Variants in N4BP2 observed in about 807,000 individuals in gnomAD.
N4BP2 encodes the protein NEDD4 binding protein 2, also known as NEDD4-binding protein 2.
Under a neutral mutation model 152.8 loss-of-function variants are expected in N4BP2, and 91 were observed. That is an observed-to-expected ratio of 0.60 (90% CI 0.50 to 0.71). N4BP2 has a LOEUF of 0.71. Ranked by LOEUF, N4BP2 falls within the 30% of genes least tolerant of loss-of-function variation. The probability of loss-of-function intolerance (pLI) is 0.00; values close to 1 mark genes in which losing one functional copy is unlikely to be tolerated. For synonymous variants in N4BP2, 646 were observed against 705.3 expected (o/e 0.92, Z 1.33); for missense variants, 1,923 against 2,059.1 (o/e 0.93, Z 1.28).
intron 1 of N4BP2, among the ~76,000 whole-genome samples, chr4:40,068,104 A>G (rs1711738363): frequency 6.6e-6 from 1 of 152,132 alleles, no homozygotes; most frequent in Admixed American, 6.6e-5. Flanking sequence ...CTTGTTGGCC[A>G]TGTGTATATC....
In N4BP2 at chr4:40,097,230, T is replaced by C; in HGVS notation, c.-111T>C. 1.2e-6 allele frequency: 1 copy of C among 838,494 alleles called. No individual in the cohort carries two copies. The highest frequency in any genetic ancestry group is 2.4e-5 in the East Asian group (1 of 40,972). The allele number at this position is 838,494 out of a possible 1,614,324, so 51.9% of individuals were successfully genotyped here. A position where few individuals can be genotyped will look rare whatever the true frequency, so the allele number is the denominator to read the frequency against. Reference sequence around the variant, plus strand: ...TTTTAATTGCTTTCTATTTTAGGTCTTTTTACTGCTGGATTGTGCAAGATA... The same window carrying C: ...TTTTAATTGCTTTCTATTTTAGGTCCTTTTACTGCTGGATTGTGCAAGATA... On this transcript the variant is annotated 5_prime_UTR_variant, in exon 3 of 18. Coordinates refer to ENST00000261435, the MANE Select transcript of N4BP2 (RefSeq NM_018177.6).
intron 3 of N4BP2, chr4:40,100,151 T>C (rs1445268599): frequency 2.3e-6 from 1 of 444,112 alleles, no homozygotes; most frequent in Non-Finnish European, 4.5e-6. Flanking sequence ...TATCCCCATA[T>C]TACAAATGAG....
In N4BP2 at chr4:40,097,469, A is replaced by G; in HGVS notation, c.129A>G (p.Thr43=). Residue 43 remains threonine (T), a synonymous_variant, in exon 3 of 18, where the codon ACA becomes ACG. Transcript: ENST00000261435. ...PTTTLPSMGE[T]KVDQEELFTS... Reference sequence around the variant, plus strand: ...CTACTCTACCTTCCATGGGTGAGACAAAAGTTGATCAGGAAGAACTCTTCA... The same window carrying G: ...CTACTCTACCTTCCATGGGTGAGACGAAAGTTGATCAGGAAGAACTCTTCA... 1 of 1,614,082 alleles carries G rather than the reference A, an allele frequency of 6.2e-7. No homozygotes were observed. Among genetic ancestry groups the G allele is most frequent in the Non-Finnish European group, 8.5e-7 (1 of 1,179,926 alleles).
intron 13 of N4BP2, among the ~76,000 whole-genome samples, chr4:40,135,938 G>A (rs1011891578): frequency 2.0e-5 from 3 of 152,140 alleles, no homozygotes; most frequent in Non-Finnish European, 2.9e-5. Flanking sequence ...AGAGGTGAGA[G>A]ACATAAATAG....
At chr4:40,141,567 A>T (rs1040499107) in intron 14 of N4BP2, among the ~76,000 whole-genome samples, 16 of 140,562 alleles carry the variant, frequency 1.1e-4, no homozygotes, top group African/African-American at 4.3e-4. Flanking sequence ...CTTAGATGGG[A>T]TGGCAGCCGG....
At chr4:40,078,473 C>G (rs1713008348) in intron 2 of N4BP2, among the ~76,000 whole-genome samples, 1 of 150,634 alleles carries the variant, frequency 6.6e-6, no homozygotes, top group South Asian at 2.1e-4. Context: ...TTTTAAGTTT[C>G]TTGACTTGCG....
At chr4:40,139,659 T>C (rs1054477690) in intron 14 of N4BP2, among the ~76,000 whole-genome samples, 15 of 151,628 alleles carry the variant, frequency 9.9e-5, no homozygotes, top group Non-Finnish European at 1.9e-4. Flanking sequence ...TCCCAGCTAA[T>C]TTTTTGTATT....
intron 1 of N4BP2, among the ~76,000 whole-genome samples, chr4:40,063,153 A>G (rs1438048773): frequency 6.6e-6 from 1 of 152,198 alleles, no homozygotes; most frequent in African/African-American, 2.4e-5. Flanking sequence ...ATTTTTATCA[A>G]TTTGGTTTCT....
chr4:40,144,376 G>A (rs1285709038), intron 15 of N4BP2, among the ~76,000 whole-genome samples: 1 of 152,166 alleles, frequency 6.6e-6, no homozygotes, highest in Admixed American at 6.5e-5. Context: ...GTTTAGTTAA[G>A]TTTCCCACTT....
At chr4:40,092,901 C>T (rs1320448359) in intron 2 of N4BP2, among the ~76,000 whole-genome samples, 2 of 151,608 alleles carry the variant, frequency 1.3e-5, no homozygotes, top group African/African-American at 4.8e-5. Flanking sequence ...ACCTCAGCCT[C>T]CCAAAGTGCT....
At chr4:40,143,429 T>G (rs970869640) in intron 15 of N4BP2, among the ~76,000 whole-genome samples, 8 of 152,244 alleles carry the variant, frequency 5.3e-5, no homozygotes, top group Non-Finnish European at 8.8e-5. Flanking sequence ...ACCTCCCACA[T>G]CAGCCTCCCA....
At chr4:40,174,756 C>T in the N4BP2 span, among the ~76,000 whole-genome samples, 2 of 152,170 alleles carry the variant, frequency 1.3e-5, no homozygotes, top group South Asian at 2.1e-4. Flanking sequence ...GAGCCGAGAT[C>T]GCGCCACTGC....
downstream of N4BP2, among the ~76,000 whole-genome samples, chr4:40,159,071 C>A (rs1169894307): frequency 6.6e-6 from 1 of 152,090 alleles, no homozygotes; most frequent in Non-Finnish European, 1.5e-5. Flanking sequence ...GTAGTGCTAT[C>A]CCAATTTAAT....
chr4:40,068,078 A>C (rs1348002842), intron 1 of N4BP2, among the ~76,000 whole-genome samples: 1 of 152,192 alleles, frequency 6.6e-6, no homozygotes, highest in Non-Finnish European at 1.5e-5. Context: ...ATTAGTGATA[A>C]GTATCTTTTC....
At position 40,117,994 on chromosome 4, in the gene N4BP2, G is replaced by A. The variant is rs200041215; in HGVS notation, c.1790G>A (p.Cys597Tyr). 1.3e-4 allele frequency: 214 copies of A among 1,606,076 alleles called. No homozygotes were observed. Among genetic ancestry groups the A allele is most frequent in the Middle Eastern group, 1.3e-3 (8 of 6,024 alleles). Residue 597 changes from cysteine (C) to tyrosine (Y), a missense_variant, in exon 8 of 18, where the codon TGT (cysteine) becomes TAT (tyrosine). Transcript: ENST00000261435. ...VPEKIERIEL[C>Y]AYSCEDRSTS... Reference sequence around the variant, plus strand: ...GAGAAAATTGAACGTATTGAGTTGTGTGCATATTCTTGTGAGGATAGAAGC... The same window carrying A: ...GAGAAAATTGAACGTATTGAGTTGTATGCATATTCTTGTGAGGATAGAAGC...
intron 1 of N4BP2, among the ~76,000 whole-genome samples, chr4:40,061,745 A>T (rs1392021297): frequency 2.7e-5 from 4 of 148,342 alleles, no homozygotes; most frequent in African/African-American, 1.0e-4. Context: ...GCTCACTGCA[A>T]CCTCCGCCTA....
chr4:40,183,442 T>G, the N4BP2 span, among the ~76,000 whole-genome samples: 1 of 151,948 alleles, frequency 6.6e-6, no homozygotes. Flanking sequence ...TTTACGCCAT[T>G]CTCCTGCCTC....
intron 5 of N4BP2, among the ~76,000 whole-genome samples, chr4:40,107,954 C>T (rs1165451275): frequency 6.7e-6 from 1 of 149,994 alleles, no homozygotes; most frequent in African/African-American, 2.5e-5. Flanking sequence ...CACAGTATCT[C>T]GCTCTGTTGC....
intron 9 of N4BP2, 36 bp from the exon 10 acceptor site, chr4:40,123,091 T>C (rs1388680958): frequency 7.5e-7 from 1 of 1,340,272 alleles, no homozygotes; most frequent in East Asian, 2.3e-5. Flanking sequence ...TAATGAGTAA[T>C]GATTACATTT....
Sources: allele counts gnomAD v4.1 joint callset (sites outside exome capture counted in the v4.1 genomes callset), GRCh38; gene constraint gnomAD v4.1.1; transcripts MANE v1.5; gene names NCBI Gene and HGNC (gene_info 2026-07-23, HGNC 2026-07-21).